HYOU1: variants seen among roughly 807,000 people sequenced by gnomAD.
The protein encoded by HYOU1 is hypoxia up-regulated 1, also known as hypoxia up-regulated protein 1.
Under a neutral mutation model 120.5 loss-of-function variants are expected in HYOU1, and 40 were observed. The ratio of observed to expected loss-of-function variants is 0.33; its 90% CI spans 0.26 to 0.43. HYOU1 has a LOEUF of 0.43. Ranked by LOEUF, HYOU1 falls within the 20% of genes least tolerant of loss-of-function variation. HYOU1 has a pLI of 1.00. For synonymous variants in HYOU1, 501 were observed against 479.4 expected, an observed-to-expected ratio of 1.05 and a Z score of -0.59; for missense variants, 1,085 against 1,278.3, an observed-to-expected ratio of 0.85 and a Z score of 2.31.
In HYOU1 at chr11:119,045,983, G is replaced by A. The variant is rs2133546574; in HGVS notation, c.2888-152C>T. On this transcript the variant is annotated intron_variant, in intron 24 of 25. Coordinates refer to ENST00000617285, the MANE Select transcript of HYOU1 (RefSeq NM_006389.5). ...TTTGCCTACTCTGTTTTTTGAGACA[G>A]AGTCTCTGTTGCCCAGGCTGGAGTG... 5.8e-5 allele frequency: 47 copies of A among 806,374 alleles called. No homozygotes were observed. The African/African-American group carries it at 7.2e-4, about 12-fold the overall frequency. 50.0% of individuals were successfully genotyped at this position (806,374 alleles called of 1,614,324 possible). A position where few individuals can be genotyped will look rare whatever the true frequency, so the allele number is the denominator to read the frequency against.
intron 1 of HYOU1, 78 bp downstream of exon 1, chr11:119,056,942 C>T (rs1944818734): frequency 1.3e-5 from 2 of 153,762 alleles, no homozygotes; most frequent in Non-Finnish European, 2.9e-5. Context: ...CCCTTGCGCT[C>T]CCGACCCGCC....
At chr11:119,050,713 C>A (rs1334577735) in intron 14 of HYOU1, among the ~76,000 whole-genome samples, 8 of 84,550 alleles carry the variant, frequency 9.5e-5, no homozygotes, top group Non-Finnish European at 1.6e-4. Flanking sequence ...AGAGCCAAGA[C>A]CCTCTCCAAA....
chr11:119,050,415 A>G (rs1944354854), intron 14 of HYOU1, among the ~76,000 whole-genome samples: 1 of 151,936 alleles, frequency 6.6e-6, no homozygotes, highest in Non-Finnish European at 1.5e-5. Context: ...AAAAAAAGTA[A>G]TAATAATAAT....
rs2133569395 is a variant in HYOU1, at chr11:119,049,067, T to C, written c.1943A>G (p.Glu648Gly). 6.2e-7 allele frequency: 1 copy of C among 1,614,152 alleles called. No individual in the cohort carries two copies. The highest frequency in any genetic ancestry group is 1.1e-5 in the South Asian group (1 of 91,084). The change falls in exon 17 of 26, where the codon GAG becomes GGG. Residue 648 changes from glutamate (E) to glycine (G), a missense_variant. Transcript: ENST00000617285. ...TTCTTTTTCTGTGGCCTTTTCTCCC[T>C]CAGGGGTTGCATCTCCCTTAGGTTC... ...PPEPKGDATP[E>G]GEKATEKENG...
intron 1 of HYOU1, chr11:119,056,403 T>C (rs1284863706): frequency 8.1e-6 from 5 of 613,574 alleles, no homozygotes; most frequent in Admixed American, 2.1e-5. Flanking sequence ...CTTTGCCACA[T>C]CCCTAAACAG....
Position 119,052,239 on chromosome 11 carries a change from A to G in HYOU1, c.1122+56T>C. 1.2e-6 allele frequency: 2 copies of G among 1,613,976 alleles called. No individual in the cohort carries two copies. On this transcript the variant is annotated intron_variant, in intron 10 of 25. Coordinates refer to ENST00000617285, the MANE Select transcript of HYOU1 (RefSeq NM_006389.5). The surrounding 1 kb of genome is among the most constrained non-coding windows in gnomAD (Gnocchi z 5.0). Reference sequence around the variant, plus strand: ...GCACTGACTCGTCCCTTGACGTCCCATGGGTTTCCTATGCCCTTTCCTACG... The same window carrying G: ...GCACTGACTCGTCCCTTGACGTCCCGTGGGTTTCCTATGCCCTTTCCTACG...
intron 24 of HYOU1, 139 bp from the exon 25 acceptor site, chr11:119,045,970 G>GT: frequency 1.2e-6 from 1 of 852,054 alleles, no homozygotes; most frequent in South Asian, 1.5e-5. Flanking sequence ...TGCCTACTCT[G>GT]TTTTTTGAGA....
In HYOU1 at chr11:119,046,414, C is replaced by T. The variant is rs2133549738; in HGVS notation, c.2887+3G>A. 6.2e-7 allele frequency: 1 copy of T among 1,614,128 alleles called. No homozygotes were observed. The highest frequency in any genetic ancestry group is 8.5e-7 in the Non-Finnish European group (1 of 1,179,994). The stretch of plus-strand genomic sequence containing the variant: ...GTGCTCAACCATGGTTGCTCCAACT[C>T]ACCAGTCTCTACTTTCTCAGGTTCT... On this transcript the variant is annotated splice_donor_region_variant and intron_variant, in intron 24 of 25. Transcript: ENST00000617285.
In HYOU1 at chr11:119,055,617, T is replaced by C; in HGVS notation, c.186-46A>G. 1 of 1,563,074 alleles carries C rather than the reference T, an allele frequency of 6.4e-7. No individual in the cohort carries two copies. The highest frequency in any genetic ancestry group is 8.8e-7 in the Non-Finnish European group (1 of 1,133,612). On this transcript the variant is annotated intron_variant, in intron 3 of 25. Coordinates refer to ENST00000617285, the MANE Select transcript of HYOU1 (RefSeq NM_006389.5). The surrounding 1 kb of genome is among the most constrained non-coding windows in gnomAD (Gnocchi z 4.0). ...GCCCAGGTGCCTGCAGCAGAAGGAC[T>C]CAGAAGCCTCGACACTCACACACAT...
intron 1 of HYOU1, among the ~76,000 whole-genome samples, chr11:119,056,637 G>A (rs1362243684): frequency 6.6e-6 from 1 of 152,248 alleles, no homozygotes; most frequent in Non-Finnish European, 1.5e-5. Flanking sequence ...GGGGTAGCTA[G>A]GATGAAGGAA....
In HYOU1 at chr11:119,046,648, C is replaced by A. The variant is rs143927145; in HGVS notation, c.2750G>T (p.Arg917Leu). 3.7e-6 allele frequency: 6 copies of A among 1,614,150 alleles called. No homozygotes were observed. The highest frequency in any genetic ancestry group is 5.1e-6 in the Non-Finnish European group (6 of 1,180,012). ...CCGGGTCCCATTCTTGTCCTTAGGC[C>A]GGGGCCGGGGCTTGGTAAACTTGGC... ...NKAKFTKPRP[R>L]PKDKNGTRAE... Residue 917 changes from arginine to leucine, a missense_variant, in exon 23 of 26, where the codon CGG becomes CTG. Coordinates refer to ENST00000617285, the MANE Select transcript of HYOU1 (RefSeq NM_006389.5).
chr11:119,053,482 G>A (rs1944570866), intron 8 of HYOU1: 1 of 152,602 alleles, frequency 6.6e-6, no homozygotes, highest in Non-Finnish European at 1.5e-5. Context: ...GGCTGCAGAA[G>A]GCAGGGTTGA....
chr11:119,047,076 G>C lies in HYOU1; in HGVS notation c.2596-274C>G, dbSNP rs1358535653. 4 of 345,128 alleles carry C rather than the reference G, an allele frequency of 1.2e-5. No homozygotes were observed. In the South Asian group the frequency reaches 2.0e-4, roughly 18 times the overall value. 21.4% of individuals were successfully genotyped at this position (345,128 alleles called of 1,614,324 possible). On this transcript the variant is annotated intron_variant, in intron 22 of 25. Coordinates refer to ENST00000617285, the MANE Select transcript of HYOU1 (RefSeq NM_006389.5). The stretch of plus-strand genomic sequence containing the variant: ...TTGAATAGTCCTTTTTTTTTTTTGA[G>C]ACGGAGTCTCGCTCTGTTGCCAGGC...
chr11:119,056,090 G>C lies in HYOU1; in HGVS notation c.71C>G (p.Ala24Gly). Residue 24 changes from alanine (A) to glycine (G), a missense_variant, in exon 2 of 26, where the codon GCA (alanine) becomes GGA (glycine). Physicochemically the swap from Ala to Gly is moderately conservative, Grantham distance 60. Around this residue, in one of 4 missense-constraint regions of HYOU1, gnomAD observed 45 missense variants for 49.2 expected, o/e 0.91. Transcript: ENST00000617285. The stretch of plus-strand genomic sequence containing the variant: ...CATACCACTCAGTGCCAACAGGTCT[G>C]CCAAGAGCACAGCCACCAAGGCCCA... ...VCWALVAVLL[A>G]DLLALSDTLA... The C allele has an allele frequency of 6.2e-7, 1 of 1,613,998 alleles. No homozygotes were observed. The highest frequency in any genetic ancestry group is 8.5e-7 in the Non-Finnish European group (1 of 1,179,952).
At chr11:119,054,937 T>C in intron 6 of HYOU1, 47 bp downstream of exon 6, 1 of 1,576,556 alleles carries the variant, frequency 6.3e-7, no homozygotes, top group East Asian at 2.2e-5. Context: ...ATCACTGCCC[T>C]AGATCCTGGG....
chr11:119,049,613 G>C lies in HYOU1; in HGVS notation c.1749C>G (p.Ser583Arg). Residue 583 changes from serine (S) to arginine (R), a missense_variant, in exon 16 of 26, where the codon AGC becomes AGG. Coordinates refer to ENST00000617285, the MANE Select transcript of HYOU1 (RefSeq NM_006389.5). ...CTGGTGTGGTACCGCCTCCAAACAG[G>C]CTGGAAATGGTGTTGCCAAGTTCTA... ...TLTKLGNTIS[S>R]LFGGGTTPDA... The C allele has an allele frequency of 6.2e-7, 1 of 1,614,134 alleles. No individual in the cohort carries two copies.
At position 119,049,179 on chromosome 11, in the gene HYOU1, C is replaced by T; in HGVS notation, c.1831G>A (p.Gly611Arg). 6.2e-7 allele frequency: 1 copy of T among 1,606,240 alleles called. No individual in the cohort carries two copies. Among genetic ancestry groups the T allele is most frequent in the Admixed American group, 1.7e-5 (1 of 58,954 alleles). Residue 611 changes from glycine to arginine, a missense_variant, in exon 17 of 26, where the codon GGG (glycine) becomes AGG (arginine). By Grantham distance (125) the Gly-to-Arg change is moderately radical. Coordinates refer to ENST00000617285, the MANE Select transcript of HYOU1 (RefSeq NM_006389.5). Reference sequence around the variant, plus strand: ...TGCTCCCCAGGCTCGTCCTTGCTCCCCTCTGCAGGGCTCTCCTCTTCCTCC... The same window carrying T: ...TGCTCCCCAGGCTCGTCCTTGCTCCTCTCTGCAGGGCTCTCCTCTTCCTCC... ...VQEEEESPAE[G>R]SKDEPGEQVE... is the part of the protein sequence containing the mutation.
In HYOU1 at chr11:119,052,325, C is replaced by T; in HGVS notation, c.1092G>A (p.Gln364=). The T allele has an allele frequency of 3.7e-6, 6 of 1,614,212 alleles. No individual in the cohort carries two copies. The highest frequency in any genetic ancestry group is 1.1e-5 in the South Asian group (1 of 91,086). The change falls in exon 10 of 26, where the codon CAG becomes CAA. Residue 364 remains glutamine (Q), a synonymous_variant. Coordinates refer to ENST00000617285, the MANE Select transcript of HYOU1 (RefSeq NM_006389.5). The surrounding 1 kb of genome is among the most constrained non-coding windows in gnomAD (Gnocchi z 5.0). ...DLFERVPGPV[Q]QALQSAEMSL... ...TCATTTCGGCACTCTGGAGGGCCTG[C>T]TGTACAGGCCCAGGCACCCGCTCAA... is the stretch of plus-strand genomic sequence containing the variant.
chr11:119,055,611 A>C lies in HYOU1; in HGVS notation c.186-40T>G. The C allele has an allele frequency of 6.4e-7, 1 of 1,570,032 alleles. No individual in the cohort carries two copies. The highest frequency in any genetic ancestry group is 1.4e-5 in the African/African-American group (1 of 74,032). On this transcript the variant is annotated intron_variant, in intron 3 of 25. Coordinates refer to ENST00000617285, the MANE Select transcript of HYOU1 (RefSeq NM_006389.5). The surrounding 1 kb of genome is among the most constrained non-coding windows in gnomAD (Gnocchi z 4.0). The stretch of plus-strand genomic sequence containing the variant: ...TTTTGGGCCCAGGTGCCTGCAGCAG[A>C]AGGACTCAGAAGCCTCGACACTCAC...
Sources: allele counts gnomAD v4.1 joint callset (sites outside exome capture counted in the v4.1 genomes callset), GRCh38; gene constraint gnomAD v4.1.1; regional missense constraint gnomAD v4.1.1; non-coding constraint Gnocchi (gnomAD v3.1); transcripts MANE v1.5; gene names NCBI Gene and HGNC (gene_info 2026-07-23, HGNC 2026-07-21).